CBX8: variants seen among roughly 807,000 people sequenced by gnomAD.
CBX8 encodes the protein chromobox protein homolog 8.
Under a neutral mutation model 39.7 loss-of-function variants are expected in CBX8, and 8 were observed. The observed-to-expected ratio is 0.20, with a 90% CI of 0.12 to 0.36. CBX8 has a LOEUF of 0.36. CBX8 is among the 10% of genes least tolerant of loss of function. The pLI, the probability that CBX8 is intolerant of heterozygous loss-of-function variation, is 1.00. For synonymous variants in CBX8, 268 were observed against 219.8 expected, an observed-to-expected ratio of 1.22 and a Z score of -1.94; for missense variants, 505 against 529.6, an observed-to-expected ratio of 0.95 and a Z score of 0.46.
chr17:79,796,599 A>AGAAATGCATGCG, intron 1 of CBX8, 59 bp from the exon 2 acceptor site: 1 of 1,591,174 alleles, frequency 6.3e-7, no homozygotes, highest in Non-Finnish European at 8.6e-7. Flanking sequence ...CGAGGATACA[A>AGAAATGCATGCG]GAAATGCATG....
rs1188318910 is a variant in CBX8, at chr17:79,794,767, C to T, written c.1038G>A (p.Pro346=). The stretch of plus-strand genomic sequence containing the variant: ...GGGAGGGGCTCCAGGACTCTTCCTC[C>T]GGGTCCCCCAGGATTCTGGCCACAG... The part of the protein sequence containing the change: ...RIPVARILGD[P]EEESWSPSLT... The change falls in exon 5 of 5, where the codon CCG becomes CCA. Residue 346 remains proline, a synonymous_variant. Transcript: ENST00000269385. The T allele has an allele frequency of 4.3e-6, 7 of 1,612,752 alleles. No homozygotes were observed. The highest frequency in any genetic ancestry group is 3.3e-5 in the Admixed American group (2 of 59,972).
In CBX8 at chr17:79,793,946, C is replaced by A. The variant is rs951023140; in HGVS notation, c.*689G>T. 1 of 152,142 alleles carries A rather than the reference C, an allele frequency of 6.6e-6. No homozygotes were observed. Among genetic ancestry groups the A allele is most frequent in the Non-Finnish European group, 1.5e-5 (1 of 68,038 alleles). 9.4% of individuals were successfully genotyped at this position (152,142 alleles called of 1,614,324 possible). A position where few individuals can be genotyped will look rare whatever the true frequency, so the allele number is the denominator to read the frequency against. On this transcript the variant is annotated 3_prime_UTR_variant, in exon 5 of 5. Coordinates refer to ENST00000269385, the MANE Select transcript of CBX8 (RefSeq NM_020649.3). ...TTCCTGGTGTGGTCCTGGGGAGAAA[C>A]CTCCTGTCCCTGCCTGCTGGGGACG...
Position 79,797,047 on chromosome 17 carries a change from G to C in CBX8, c.-49C>G, listed in dbSNP as rs1352893399. 3 of 1,567,132 alleles carry C rather than the reference G, an allele frequency of 1.9e-6. No individual in the cohort carries two copies. In the South Asian group the frequency reaches 3.5e-5, roughly 18 times the overall value. ...GGCCGCTTCCAGGAGCAGAAAAGCA[G>C]CAGCCAGCGCACGACAGACCATAAT... On this transcript the variant is annotated 5_prime_UTR_variant, in exon 1 of 5. Transcript: ENST00000269385.
Position 79,795,339 on chromosome 17 carries a change from T to C in CBX8, c.466A>G (p.Arg156Gly), listed in dbSNP as rs199842203. The C allele has an allele frequency of 6.3e-7, 1 of 1,585,006 alleles. No individual in the cohort carries two copies. ...CTTTCTCGATCCCGCTCCCGGTCCC[T>C]ATCCCGGTCTCGGTCCCGGTCCCGA... Reference protein sequence around the residue: ...APRDRDRDRDRDRERDRERER... With the variant: ...APRDRDRDRDGDRERDRERER... The change falls in exon 5 of 5, where the codon AGG (arginine) becomes GGG (glycine). Residue 156 changes from arginine (R) to glycine (G), a missense_variant. Physicochemically the swap from Arg to Gly is moderately radical, Grantham distance 125. This residue lies in a region of CBX8 where 456 missense variants were observed against 389.2 expected (regional missense o/e 1.17). Coordinates refer to ENST00000269385, the MANE Select transcript of CBX8 (RefSeq NM_020649.3). The surrounding 1 kb of genome is among the most constrained non-coding windows in gnomAD (Gnocchi z 5.8).
chr17:79,796,465 C>T (rs1194162726), intron 2 of CBX8, 32 bp downstream of exon 2: 8 of 1,613,824 alleles, frequency 5.0e-6, no homozygotes, highest in Non-Finnish European at 6.8e-6. Context: ...GAATAACAGT[C>T]TGGGGTTGAG....
In CBX8 at chr17:79,792,377, A is replaced by G. The variant is rs1907909038; in HGVS notation, c.*2258T>C. 1 of 132,682 alleles carries G rather than the reference A, an allele frequency of 7.5e-6. No homozygotes were observed. Among genetic ancestry groups the G allele is most frequent in the Non-Finnish European group, 1.6e-5 (1 of 63,612 alleles). The allele number at this position is 132,682 out of a possible 1,614,324, so 8.2% of individuals were successfully genotyped here. A position where few individuals can be genotyped will look rare whatever the true frequency, so the allele number is the denominator to read the frequency against. ...CAGGTCAGCGTCGCAAGAGCGAGAGAAGGAGACACATACACACACGGCCAC... is the reference window on the plus strand; with the variant it reads ...CAGGTCAGCGTCGCAAGAGCGAGAGGAGGAGACACATACACACACGGCCAC... On this transcript the variant is annotated 3_prime_UTR_variant, in exon 5 of 5. Transcript: ENST00000269385.
In CBX8 at chr17:79,795,096, CG is replaced by C; in HGVS notation, c.708del (p.Ala238GlnfsTer10). The C allele has an allele frequency of 6.2e-7, 1 of 1,611,704 alleles. No individual in the cohort carries two copies. Among genetic ancestry groups the C allele is most frequent in the Non-Finnish European group, 8.5e-7 (1 of 1,179,076 alleles). On this transcript the variant is annotated frameshift_variant, in exon 5 of 5. Transcript: ENST00000269385. LOFTEE classifies it high-confidence loss of function. This position sits in a 1 kb window ranked among gnomAD's most constrained non-coding sequence, Gnocchi z 5.8. The part of the protein sequence containing the change: ...LKGRKLDDTP[S>X]GAGKFPAGHS... ...TGGCCGGCTGGAAACTTTCCTGCCC[CG>C]GAAGGGGTGTCGTCCAGCTTCCTGC...
At position 79,794,026 on chromosome 17, in the gene CBX8, C is replaced by CT. The variant is rs1907971488; in HGVS notation, c.*608dup. On this transcript the variant is annotated 3_prime_UTR_variant, in exon 5 of 5. Transcript: ENST00000269385. The stretch of plus-strand genomic sequence containing the variant: ...CTTATTCAAGTTAATACTTTTTTCC[C>CT]TAATAGACTTCTTTACCTTAAAAAA... 1 of 151,686 alleles carries CT rather than the reference C, an allele frequency of 6.6e-6. No individual in the cohort carries two copies. The highest frequency in any genetic ancestry group is 1.5e-5 in the Non-Finnish European group (1 of 67,904). 9.4% of individuals were successfully genotyped at this position (151,686 alleles called of 1,614,324 possible).
rs1039883710 is a variant in CBX8, at chr17:79,792,379, G to A, written c.*2256C>T. 7.9e-6 allele frequency: 1 copy of A among 126,310 alleles called. No homozygotes were observed. The highest frequency in any genetic ancestry group is 1.6e-5 in the Non-Finnish European group (1 of 62,762). 7.8% of individuals were successfully genotyped at this position (126,310 alleles called of 1,614,324 possible). On this transcript the variant is annotated 3_prime_UTR_variant, in exon 5 of 5. Transcript: ENST00000269385. ...GGTCAGCGTCGCAAGAGCGAGAGAAGGAGACACATACACACACGGCCACGG... is the reference window on the plus strand; with the variant it reads ...GGTCAGCGTCGCAAGAGCGAGAGAAAGAGACACATACACACACGGCCACGG...
In CBX8 at chr17:79,794,798, C is replaced by G; in HGVS notation, c.1007G>C (p.Arg336Thr). 6.2e-7 allele frequency: 1 copy of G among 1,613,096 alleles called. No homozygotes were observed. Among genetic ancestry groups the G allele is most frequent in the Non-Finnish European group, 8.5e-7 (1 of 1,179,478 alleles). ...CCCCAGGATTCTGGCCACAGGGATCCTGGCGATGAGGGAGGGCCTTCCCCC... is the reference window on the plus strand; with the variant it reads ...CCCCAGGATTCTGGCCACAGGGATCGTGGCGATGAGGGAGGGCCTTCCCCC... ...AQGGRPSLIA[R>T]IPVARILGDP... Residue 336 changes from arginine (R) to threonine (T), a missense_variant, in exon 5 of 5, where the codon AGG becomes ACG. Arg to Thr is a moderately conservative substitution (Grantham distance 71). Around this residue, in one of 3 missense-constraint regions of CBX8, gnomAD observed 456 missense variants for 389.2 expected, o/e 1.17. Transcript: ENST00000269385.
chr17:79,796,617 G>A, intron 1 of CBX8, 77 bp from the exon 2 acceptor site: 2 of 1,524,170 alleles, frequency 1.3e-6, no homozygotes, highest in East Asian at 2.3e-5. Context: ...ATGCGAAAAT[G>A]CATGCACCAG....
At chr17:79,796,621 G>T in intron 1 of CBX8, 81 bp from the exon 2 acceptor site, 2 of 1,497,178 alleles carry the variant, frequency 1.3e-6, no homozygotes, top group Non-Finnish European at 1.9e-6. Context: ...GAAAATGCAT[G>T]CACCAGATGA....
chr17:79,796,040 G>A lies in CBX8; in HGVS notation c.246+17C>T. The A allele has an allele frequency of 1.2e-6, 2 of 1,612,698 alleles. No homozygotes were observed. The highest frequency in any genetic ancestry group is 1.7e-4 in the Middle Eastern group (1 of 5,988). On this transcript the variant is annotated intron_variant, in intron 4 of 4. Coordinates refer to ENST00000269385, the MANE Select transcript of CBX8 (RefSeq NM_020649.3). ...CTCCATAACATGGTCCTCCACCATT[G>A]GACACTGCCAACCTACTTTGAGGAG...
In CBX8 at chr17:79,796,078, C is replaced by T; in HGVS notation, c.225G>A (p.Lys75=). ...CTACTTTGAGGAGGAAGGTTTTGGG[C>T]TTGGGTCCACGCTTTTTGGGGCCAT... is the stretch of plus-strand genomic sequence containing the variant. ...ELYGPKKRGP[K]PKTFLLKAQA... is the part of the protein sequence containing the mutation. The change falls in exon 4 of 5, where the codon AAG becomes AAA. Residue 75 remains lysine (K), a synonymous_variant. Transcript: ENST00000269385. 3.1e-6 allele frequency: 5 copies of T among 1,614,164 alleles called. No homozygotes were observed. Among genetic ancestry groups the T allele is most frequent in the Middle Eastern group, 3.3e-4 (2 of 6,042 alleles).
At position 79,792,242 on chromosome 17, in the gene CBX8, G is replaced by A. The variant is rs1324526394; in HGVS notation, c.*2393C>T. ...TCACTCTTGAGCTGAGGCGGAGATCGATTGGAGATTTGTACAAATCTTAGA... is the reference window on the plus strand; with the variant it reads ...TCACTCTTGAGCTGAGGCGGAGATCAATTGGAGATTTGTACAAATCTTAGA... On this transcript the variant is annotated 3_prime_UTR_variant, in exon 5 of 5. Coordinates refer to ENST00000269385, the MANE Select transcript of CBX8 (RefSeq NM_020649.3). 1 of 152,254 alleles carries A rather than the reference G, an allele frequency of 6.6e-6. No individual in the cohort carries two copies. The highest frequency in any genetic ancestry group is 1.9e-4 in the East Asian group (1 of 5,202). The allele number at this position is 152,254 out of a possible 1,614,324, so 9.4% of individuals were successfully genotyped here.
rs777371588 is a variant in CBX8 at position 79,795,033 on chromosome 17, GGTCCGA to G, written c.766_771del (p.Ser256_Asp257del). 2 of 1,607,228 alleles carry G rather than the reference GGTCCGA, an allele frequency of 1.2e-6. No homozygotes were observed. The highest frequency in any genetic ancestry group is 2.2e-5 in the South Asian group (2 of 89,888). On this transcript the variant is annotated inframe_deletion, in exon 5 of 5. Transcript: ENST00000269385. The surrounding 1 kb of genome is among the most constrained non-coding windows in gnomAD (Gnocchi z 5.8). ...GGGCTGGTCACACCACACTGCACCA[GGTCCGA>G]GTCCTGTCTTCGGGCCAGCTGGATC... is the stretch of plus-strand genomic sequence containing the variant.
In CBX8 at chr17:79,795,768, G is replaced by A. The variant is rs932006981; in HGVS notation, c.247-210C>T. On this transcript the variant is annotated intron_variant, in intron 4 of 4. Transcript: ENST00000269385. The surrounding 1 kb of genome is among the most constrained non-coding windows in gnomAD (Gnocchi z 5.8). ...TGAGAGGTAGAAGGATGAGAGAAGA[G>A]GTAGAAGATTTGGCTGGAAGTAGTC... Among the ~76,000 whole-genome samples, 4 of 152,144 alleles carry A rather than the reference G, an allele frequency of 2.6e-5. No individual in the cohort carries two copies. Among genetic ancestry groups the A allele is most frequent in the Non-Finnish European group, 1.5e-5 (1 of 68,020 alleles).
Position 79,795,141 on chromosome 17 carries a change from G to C in CBX8, c.664C>G (p.Leu222Val). The C allele has an allele frequency of 6.2e-7, 1 of 1,613,712 alleles. No individual in the cohort carries two copies. Among genetic ancestry groups the C allele is most frequent in the East Asian group, 2.2e-5 (1 of 44,858 alleles). The stretch of plus-strand genomic sequence containing the variant: ...TTCCTGCCCTTGAGGTACTCTCCGA[G>C]GCCGGCGCTGGGTTCGCCTAAGGGC... ...QRPLGEPSAG[L>V]GEYLKGRKLD... Residue 222 changes from leucine (L) to valine (V), a missense_variant, in exon 5 of 5, where the codon CTC becomes GTC. Transcript: ENST00000269385. The surrounding 1 kb of genome is among the most constrained non-coding windows in gnomAD (Gnocchi z 5.8).
In CBX8 at chr17:79,796,322, G is replaced by A. The variant is rs1908087782; in HGVS notation, c.114-7C>T. The stretch of plus-strand genomic sequence containing the variant: ...CGGTTCCCATGTGCTGTACCTAAAG[G>A]GAATCAGGAAGAAGTGGGCATCAGT... On this transcript the variant is annotated splice_polypyrimidine_tract_variant and splice_region_variant and intron_variant, in intron 2 of 4. Coordinates refer to ENST00000269385, the MANE Select transcript of CBX8 (RefSeq NM_020649.3). The A allele has an allele frequency of 1.2e-6, 2 of 1,614,006 alleles. No homozygotes were observed. The highest frequency in any genetic ancestry group is 1.1e-5 in the South Asian group (1 of 91,072).
Sources: allele counts gnomAD v4.1 joint callset (sites outside exome capture counted in the v4.1 genomes callset), GRCh38; gene constraint gnomAD v4.1.1; regional missense constraint gnomAD v4.1.1; non-coding constraint Gnocchi (gnomAD v3.1); transcripts MANE v1.5; gene names NCBI Gene and HGNC (gene_info 2026-07-23, HGNC 2026-07-21).